DDHD2: variants seen among roughly 807,000 people sequenced by gnomAD.
DDHD2 encodes DDHD domain containing 2, also known as triacylglycerol hydrolase DDHD2.
In DDHD2, 62 loss-of-function variants were observed where a neutral mutation model predicts 91.2. The observed-to-expected ratio is 0.68, with a 90% CI of 0.55 to 0.84. The LOEUF (loss-of-function observed/expected upper bound fraction) is 0.84. Ranked by LOEUF, DDHD2 falls within the 40% of genes least tolerant of loss-of-function variation. The pLI is 0.00. For missense variants in DDHD2, 740 were observed against 846.9 expected (o/e 0.87, Z 1.57); for synonymous variants, 271 against 293.9 (o/e 0.92, Z 0.80).
chr8:38,240,378 G>C lies in DDHD2; in HGVS notation c.712+14G>C, dbSNP rs758084406. The C allele has an allele frequency of 6.4e-7, 1 of 1,566,524 alleles. No homozygotes were observed. The highest frequency in any genetic ancestry group is 1.1e-5 in the South Asian group (1 of 87,512). On this transcript the variant is annotated intron_variant, in intron 6 of 17. Transcript: ENST00000397166. ...TTGTACAGTGTGGTAGGTTTGCAAA[G>C]CATGTGAGAGAATATTAATCAGTGC... is the stretch of plus-strand genomic sequence containing the variant.
At chr8:38,268,392 CTCT>C in intron 1 of DDHD2, 1 of 1,570,956 alleles carries the variant, frequency 6.4e-7, no homozygotes. Flanking sequence ...TGTCTGCTGT[CTCT>C]TGTGTCTGCC....
chr8:38,236,088 T>C (rs908699376), intron 3 of DDHD2, among the ~76,000 whole-genome samples: 38 of 151,560 alleles, frequency 2.5e-4, no homozygotes, highest in African/African-American at 6.5e-4. Context: ...TCTTGGCTCA[T>C]TGCAAGCTCT....
chr8:38,269,295 C>A (rs1268811689), intron 1 of DDHD2: 15 of 1,234,850 alleles, frequency 1.2e-5, no homozygotes, highest in Non-Finnish European at 1.6e-5. Context: ...CCCAGTTGCC[C>A]GCGCTCCGGC....
rs1404764596 is a variant in DDHD2, at chr8:38,260,635, C to T, written c.*62C>T. ...AGGGATCCTTCCCCAGAAAATCCAC[C>T]TGTTTGTTGCTGCAATTTTCCTCTC... On this transcript the variant is annotated 3_prime_UTR_variant, in exon 18 of 18. Transcript: ENST00000397166. The T allele has an allele frequency of 1.3e-5, 2 of 153,274 alleles. No individual in the cohort carries two copies. Among genetic ancestry groups the T allele is most frequent in the Non-Finnish European group, 2.9e-5 (2 of 68,566 alleles). The allele number at this position is 153,274 out of a possible 1,614,324, so 9.5% of individuals were successfully genotyped here.
At position 38,238,077 on chromosome 8, in the gene DDHD2, GT is replaced by G; in HGVS notation, c.502-10del. ...CAGAATATTTTTATTGCTCTGATCT[GT>G]TCTGTTTAAGCTTATGGTGCATTAC... On this transcript the variant is annotated splice_polypyrimidine_tract_variant and intron_variant, in intron 4 of 17. Transcript: ENST00000397166. 1 of 1,600,716 alleles carries G rather than the reference GT, an allele frequency of 6.2e-7. No individual in the cohort carries two copies. The highest frequency in any genetic ancestry group is 8.5e-7 in the Non-Finnish European group (1 of 1,175,720).
chr8:38,266,173 G>C (rs1237950704), downstream of DDHD2: 30 of 1,613,984 alleles, frequency 1.9e-5, no homozygotes, highest in Non-Finnish European at 2.2e-5. Context: ...ACATGTGCGG[G>C]ACAGTGCAAT....
intron 3 of DDHD2, among the ~76,000 whole-genome samples, chr8:38,236,255 G>A (rs980741982): frequency 4.0e-5 from 6 of 150,176 alleles, no homozygotes; most frequent in Admixed American, 2.0e-4. Context: ...CTCGTGATCC[G>A]CCCGCCTCGG....
rs763489852 is a variant in DDHD2 at position 38,237,505 on chromosome 8, A to G, written c.412-33A>G. Reference sequence around the variant, plus strand: ...GGTTCAGTTTAATAGGAAAGCTACTAGAGAACTCTAATGAAATGTGTTTTC... The same window carrying G: ...GGTTCAGTTTAATAGGAAAGCTACTGGAGAACTCTAATGAAATGTGTTTTC... On this transcript the variant is annotated intron_variant, in intron 3 of 17. Coordinates refer to ENST00000397166, the MANE Select transcript of DDHD2 (RefSeq NM_015214.3). The G allele has an allele frequency of 5.5e-6, 6 of 1,095,346 alleles. No homozygotes were observed. In the South Asian group the frequency reaches 8.1e-5, roughly 15 times the overall value. The allele number at this position is 1,095,346 out of a possible 1,614,324, so 67.9% of individuals were successfully genotyped here.
chr8:38,246,171 A>G (rs1805619770), intron 8 of DDHD2, 62 bp from the exon 9 acceptor site: 3 of 1,293,700 alleles, frequency 2.3e-6, no homozygotes, highest in Admixed American at 1.8e-5. Flanking sequence ...CCTTTTTTGT[A>G]TAACAGAGAG....
intron 1 of DDHD2, chr8:38,268,893 T>G: frequency 1.9e-6 from 3 of 1,552,564 alleles, no homozygotes; most frequent in Non-Finnish European, 2.6e-6. Context: ...AACATCGGCT[T>G]GGTGGGGAAA....
chr8:38,254,314 G>T (rs968493107), intron 16 of DDHD2, among the ~76,000 whole-genome samples: 1 of 152,114 alleles, frequency 6.6e-6, no homozygotes, highest in Non-Finnish European at 1.5e-5. Context: ...AAATATTACT[G>T]TTGCTGGAAG....
chr8:38,246,024 C>G, intron 8 of DDHD2, 74 bp downstream of exon 8: 1 of 1,432,476 alleles, frequency 7.0e-7, no homozygotes, highest in Non-Finnish European at 9.7e-7. Flanking sequence ...AGCACAATGT[C>G]TTTTATCAGT....
intron 11 of DDHD2, 24 bp downstream of exon 11, chr8:38,249,827 G>A (rs1278077653): frequency 2.0e-6 from 3 of 1,480,744 alleles, no homozygotes; most frequent in Non-Finnish European, 2.8e-6. Context: ...ACAGCTTGTT[G>A]GACTAAACAA....
In DDHD2 at chr8:38,253,664, C is replaced by T; in HGVS notation, c.2000C>T (p.Pro667Leu). The T allele has an allele frequency of 1.2e-6, 2 of 1,614,046 alleles. No individual in the cohort carries two copies. The highest frequency in any genetic ancestry group is 2.2e-5 in the South Asian group (2 of 91,084). The change falls in exon 16 of 18, where the codon CCT becomes CTT. Residue 667 changes from proline to leucine, a missense_variant. Physicochemically the swap from Pro to Leu is moderately conservative, Grantham distance 98. Around this residue, in one of 2 missense-constraint regions of DDHD2, gnomAD observed 47 missense variants for 82.6 expected, o/e 0.57. Transcript: ENST00000397166. ...ATTGACTATGTGCTACAGGAGAAGC[C>T]TATTGAAAGTTTTAATGAGTATTTA... The part of the protein sequence containing the change: ...QRIDYVLQEK[P>L]IESFNEYLFA...
Position 38,240,290 on chromosome 8 carries a change from T to C in DDHD2, c.638T>C (p.Ile213Thr). ...VDIHCGEPLQ[I>T]DHLVFVVHGI... ...TCATTTATAGGAGAACCTTTACAAATAGATCACTTGGTTTTTGTAGTCCAT... is the reference window on the plus strand; with the variant it reads ...TCATTTATAGGAGAACCTTTACAAACAGATCACTTGGTTTTTGTAGTCCAT... Residue 213 changes from isoleucine (I) to threonine (T), a missense_variant, in exon 6 of 18, where the codon ATA (isoleucine) becomes ACA (threonine). Physicochemically the swap from Ile to Thr is moderately conservative, Grantham distance 89. Coordinates refer to ENST00000397166, the MANE Select transcript of DDHD2 (RefSeq NM_015214.3). The C allele has an allele frequency of 6.2e-7, 1 of 1,606,434 alleles. No homozygotes were observed. The highest frequency in any genetic ancestry group is 8.5e-7 in the Non-Finnish European group (1 of 1,173,940).
intron 15 of DDHD2, 42 bp downstream of exon 15, chr8:38,253,169 G>T: frequency 1.9e-6 from 3 of 1,544,574 alleles, no homozygotes; most frequent in East Asian, 2.3e-5. Flanking sequence ...CAGATAAGAG[G>T]GATGCCATGG....
At chr8:38,267,414 G>T, downstream of DDHD2, 1 of 1,606,766 alleles carries the variant, frequency 6.2e-7, no homozygotes, top group South Asian at 1.1e-5. Context: ...AGCATGGTTG[G>T]AACGTAAATC....
In DDHD2 at chr8:38,234,465, C is replaced by T. The variant is rs372220151; in HGVS notation, c.292C>T (p.Arg98Trp). The part of the protein sequence containing the change: ...RYDVHLGERM[R>W]YAVYWDELAS... ...TGATGTTCATTTGGGGGAGAGGATG[C>T]GGTATGCTGTATACTGGGATGAACT... The change falls in exon 3 of 18, where the codon CGG becomes TGG. Residue 98 changes from arginine to tryptophan, a missense_variant. Arg to Trp is a moderately radical substitution (Grantham distance 101). Coordinates refer to ENST00000397166, the MANE Select transcript of DDHD2 (RefSeq NM_015214.3). 6.8e-6 allele frequency: 11 copies of T among 1,611,780 alleles called. No homozygotes were observed. Among genetic ancestry groups the T allele is most frequent in the African/African-American group, 1.3e-5 (1 of 74,774 alleles).
chr8:38,272,154 TC>T (rs1460158559), downstream of DDHD2: 1 of 152,244 alleles, frequency 6.6e-6, no homozygotes, highest in Non-Finnish European at 1.5e-5. Flanking sequence ...AGACATGTTT[TC>T]AAATATTTTG....
Sources: gnomAD v4.1 joint callset for allele counts (sites outside exome capture counted in the v4.1 genomes callset) on GRCh38, gnomAD v4.1.1 for gene constraint, gnomAD v4.1.1 regional missense constraint, MANE v1.5 for transcripts, NCBI Gene and HGNC (gene_info 2026-07-23, HGNC 2026-07-21) for gene names.